Variants in DOCK3 observed in about 807,000 individuals in gnomAD.
DOCK3 encodes the protein dedicator of cytokinesis 3.
DOCK3 carries 60 observed loss-of-function variants against 265.6 expected under a neutral mutation model. The ratio of observed to expected loss-of-function variants is 0.23; its 90% CI spans 0.18 to 0.28. The LOEUF (loss-of-function observed/expected upper bound fraction) is 0.28. Among genes scored for constraint, DOCK3 ranks in the 10% least tolerant of loss-of-function variants. DOCK3 has a pLI of 1.00. For synonymous variants in DOCK3, 881 were observed against 938.0 expected (o/e 0.94, Z 1.11); for missense variants, 1,981 against 2,594.3 (o/e 0.76, Z 5.14).
intron 2 of DOCK3, among the ~76,000 whole-genome samples, chr3:50,796,207 A>T (rs1413588312): frequency 1.4e-5 from 2 of 147,040 alleles, no homozygotes; most frequent in South Asian, 2.2e-4. Flanking sequence ...TGCCCAGCTA[A>T]TTTTTTTTTG....
At chr3:51,209,815 G>A (rs2089409861) in intron 13 of DOCK3, among the ~76,000 whole-genome samples, 1 of 152,212 alleles carries the variant, frequency 6.6e-6, no homozygotes, top group African/African-American at 2.4e-5. Context: ...TGCCAAGATT[G>A]AGACCTTCAG....
At chr3:50,821,297 AT>A (rs1183838678) in intron 2 of DOCK3, among the ~76,000 whole-genome samples, 1 of 149,030 alleles carries the variant, frequency 6.7e-6, no homozygotes, top group South Asian at 2.1e-4. Flanking sequence ...TTCTTCTAGG[AT>A]TTTTTTTTCT....
intron 32 of DOCK3, among the ~76,000 whole-genome samples, chr3:51,318,529 A>G (rs188306826): frequency 5.5e-4 from 84 of 152,256 alleles, no homozygotes; most frequent in African/African-American, 1.9e-3. Context: ...ATTTATATGT[A>G]TTTCCTGTTT....
chr3:51,153,570 A>G (rs2085712020), intron 10 of DOCK3, among the ~76,000 whole-genome samples: 1 of 152,180 alleles, frequency 6.6e-6, no homozygotes, highest in African/African-American at 2.4e-5. Flanking sequence ...AAATGCAGAA[A>G]TCACCATCTT....
At chr3:50,786,649 C>A in intron 2 of DOCK3, 1 of 604,788 alleles carries the variant, frequency 1.7e-6, no homozygotes, top group South Asian at 1.6e-5. Context: ...GTTGTCCTTA[C>A]TCTGGCCTTT....
At chr3:51,238,235 C>T (rs528994628) in intron 21 of DOCK3, among the ~76,000 whole-genome samples, 228 of 145,578 alleles carry the variant, frequency 1.6e-3, no homozygotes, top group Non-Finnish European at 2.7e-3. Context: ...CTCTGCTTCC[C>T]GGGTTCACAC....
In DOCK3 at chr3:51,362,016, A is replaced by G; in HGVS notation, c.5145+19A>G. On this transcript the variant is annotated intron_variant, in intron 48 of 52. Coordinates refer to ENST00000266037, the MANE Select transcript of DOCK3 (RefSeq NM_004947.5). ...CATGCAGGTACAGAGCTGTCCACGG[A>G]GAGTGGGCCAGGGCACCATGCCTAC... 2 of 1,593,934 alleles carry G rather than the reference A, an allele frequency of 1.3e-6. No homozygotes were observed. Among genetic ancestry groups the G allele is most frequent in the Non-Finnish European group, 1.7e-6 (2 of 1,169,924 alleles).
chr3:50,975,083 C>G (rs2077389969), intron 5 of DOCK3, among the ~76,000 whole-genome samples: 2 of 151,466 alleles, frequency 1.3e-5, no homozygotes, highest in Non-Finnish European at 2.9e-5. Flanking sequence ...ATGTCATCTG[C>G]AAACAGGGAC....
chr3:51,273,087 A>G (rs866805873), intron 24 of DOCK3, among the ~76,000 whole-genome samples: 1 of 151,360 alleles, frequency 6.6e-6, no homozygotes, highest in East Asian at 1.9e-4. Context: ...GCGTGAACCC[A>G]GGAGGCAGAA....
chr3:51,051,310 A>G (rs968299429), intron 5 of DOCK3, among the ~76,000 whole-genome samples: 2 of 152,238 alleles, frequency 1.3e-5, no homozygotes, highest in African/African-American at 2.4e-5. Flanking sequence ...GTAAGACTCA[A>G]TGGCAAAGGC....
intron 12 of DOCK3, among the ~76,000 whole-genome samples, chr3:51,175,901 C>G (rs1158324482): frequency 6.6e-6 from 1 of 152,166 alleles, no homozygotes; most frequent in Non-Finnish European, 1.5e-5. Flanking sequence ...TTCATCTATC[C>G]AGGACCATTA....
intron 24 of DOCK3, among the ~76,000 whole-genome samples, chr3:51,274,084 G>C (rs1259432541): frequency 2.0e-5 from 3 of 152,234 alleles, no homozygotes; most frequent in African/African-American, 7.2e-5. Context: ...CTGAATTTAG[G>C]ATTGTAAATA....
intron 1 of DOCK3, among the ~76,000 whole-genome samples, chr3:50,691,978 G>A (rs2035278818): frequency 6.7e-6 from 1 of 150,006 alleles, no homozygotes; most frequent in Non-Finnish European, 1.5e-5. Context: ...GCAGTGGCAC[G>A]ATCATAGCTC....
intron 9 of DOCK3, among the ~76,000 whole-genome samples, chr3:51,136,913 A>G (rs1235066130): frequency 6.6e-6 from 1 of 152,072 alleles, no homozygotes; most frequent in African/African-American, 2.4e-5. Context: ...AATTTTTTAT[A>G]TGTTGGTGAA....
chr3:50,823,753 C>T (rs1358507195), intron 2 of DOCK3, among the ~76,000 whole-genome samples: 2 of 151,740 alleles, frequency 1.3e-5, no homozygotes, highest in Middle Eastern at 3.2e-3. Flanking sequence ...TGGGCAGAGG[C>T]GCCCCTCACC....
chr3:50,874,065 T>TC (rs2047575913), intron 3 of DOCK3, among the ~76,000 whole-genome samples: 3 of 138,508 alleles, frequency 2.2e-5, no homozygotes, highest in African/African-American at 8.2e-5. Context: ...TCTTTTCTTT[T>TC]GTTTTTTTTT....
At chr3:50,983,640 A>G (rs2077784394) in intron 5 of DOCK3, among the ~76,000 whole-genome samples, 1 of 152,090 alleles carries the variant, frequency 6.6e-6, no homozygotes, top group Non-Finnish European at 1.5e-5. Context: ...GCCCACTGTG[A>G]GTCTCCTCTG....
chr3:50,846,668 T>C (rs2107323353), intron 3 of DOCK3, among the ~76,000 whole-genome samples: 1 of 152,338 alleles, frequency 6.6e-6, no homozygotes, highest in East Asian at 1.9e-4. Flanking sequence ...TTTTTATTAC[T>C]GATTCAATTT....
intron 22 of DOCK3, among the ~76,000 whole-genome samples, chr3:51,258,981 A>G (rs2079703354): frequency 1.3e-5 from 2 of 152,216 alleles, no homozygotes; most frequent in Admixed American, 6.5e-5. Flanking sequence ...AGTCACCACA[A>G]TATAGACATA....
Sources: gnomAD v4.1 joint callset for allele counts (sites outside exome capture counted in the v4.1 genomes callset) on GRCh38, gnomAD v4.1.1 for gene constraint, MANE v1.5 for transcripts, NCBI Gene and HGNC (gene_info 2026-07-23, HGNC 2026-07-21) for gene names.